The following HIVEP1 variants were observed in gnomAD, a reference collection of about 807,000 sequenced individuals.
The protein encoded by HIVEP1 is HIVEP zinc finger 1.
In HIVEP1, 36 loss-of-function variants were observed where a neutral mutation model predicts 180.0. That is an observed-to-expected ratio of 0.20 (90% CI 0.15 to 0.26). HIVEP1 has a LOEUF of 0.26. Ranked by LOEUF, HIVEP1 falls within the 10% of genes least tolerant of loss-of-function variation. HIVEP1 has a pLI of 1.00. For missense variants in HIVEP1, 3,143 were observed against 3,268.7 expected (o/e 0.96, Z 0.94); for synonymous variants, 1,239 against 1,239.0 (o/e 1.00, Z 0.00).
intron 2 of HIVEP1, among the ~76,000 whole-genome samples, chr6:12,018,973 T>C (rs975160399): frequency 5.3e-5 from 8 of 152,214 alleles, no homozygotes; most frequent in African/African-American, 1.9e-4. Flanking sequence ...CTTTAAGATA[T>C]TTTTAAAGTT....
At chr6:12,097,167 A>G (rs908423615) in intron 3 of HIVEP1, among the ~76,000 whole-genome samples, 1 of 152,062 alleles carries the variant, frequency 6.6e-6, no homozygotes, top group African/African-American at 2.4e-5. Flanking sequence ...AGGAAATAAT[A>G]TATTTTAGTG....
chr6:12,099,148 G>C (rs998059958), intron 3 of HIVEP1, among the ~76,000 whole-genome samples: 3 of 151,596 alleles, frequency 2.0e-5, no homozygotes, highest in African/African-American at 7.3e-5. Flanking sequence ...CCAGCCCACT[G>C]TGAAGGAGCA....
the HIVEP1 span, among the ~76,000 whole-genome samples, chr6:12,173,235 A>C: frequency 6.6e-6 from 1 of 152,198 alleles, no homozygotes; most frequent in African/African-American, 2.4e-5. Context: ...GAGTATTGAC[A>C]TTGTTGGAAT....
chr6:12,176,716 A>T, the HIVEP1 span, among the ~76,000 whole-genome samples: 2 of 152,270 alleles, frequency 1.3e-5, no homozygotes, highest in African/African-American at 4.8e-5. Context: ...TAAGTTCCTT[A>T]CAGATGCTGG....
chr6:12,167,641 A>ATGT (rs1448069424), downstream of HIVEP1, among the ~76,000 whole-genome samples: 11 of 55,188 alleles, frequency 2.0e-4, no homozygotes, highest in Admixed American at 5.3e-4. Context: ...TTATATATAC[A>ATGT]TATACATATA....
chr6:12,077,983 G>A (rs1027985852), intron 2 of HIVEP1, among the ~76,000 whole-genome samples: 1 of 152,158 alleles, frequency 6.6e-6, no homozygotes, highest in African/African-American at 2.4e-5. Context: ...CTTGCTTGCT[G>A]TTGTATTTCC....
chr6:12,167,652 T>TATAC (rs1760749797), downstream of HIVEP1, among the ~76,000 whole-genome samples: 12 of 19,198 alleles, frequency 6.3e-4, no homozygotes, highest in South Asian at 7.4e-3. Flanking sequence ...TATACATATA[T>TATAC]ATGTTATATA....
At chr6:12,053,806 C>T (rs551258426) in intron 2 of HIVEP1, among the ~76,000 whole-genome samples, 68 of 152,226 alleles carry the variant, frequency 4.5e-4, no homozygotes, top group Non-Finnish European at 8.8e-4. Context: ...ATAAATCTGC[C>T]AAGCTCTGTT....
At chr6:12,049,139 T>A (rs1770327492) in intron 2 of HIVEP1, among the ~76,000 whole-genome samples, 2 of 152,226 alleles carry the variant, frequency 1.3e-5, no homozygotes, top group Admixed American at 1.3e-4. Flanking sequence ...ACATTTATTA[T>A]GGGGTGTGGG....
chr6:12,117,623 C>T (rs1157055352), intron 3 of HIVEP1, among the ~76,000 whole-genome samples: 2 of 152,124 alleles, frequency 1.3e-5, no homozygotes, highest in African/African-American at 4.8e-5. Context: ...AATAACATAA[C>T]TTTATCTAAA....
At chr6:12,074,658 G>A (rs1343963810) in intron 2 of HIVEP1, among the ~76,000 whole-genome samples, 3 of 144,030 alleles carry the variant, frequency 2.1e-5, no homozygotes, top group Non-Finnish European at 4.8e-5. Flanking sequence ...GCGCGTGCAT[G>A]TCCTTGTCTC....
the HIVEP1 span, among the ~76,000 whole-genome samples, chr6:12,188,999 TAC>T: frequency 6.6e-6 from 1 of 151,974 alleles, no homozygotes; most frequent in African/African-American, 2.4e-5. Context: ...TGGGCACAAC[TAC>T]AGAGTATAAA....
chr6:12,142,915 C>T (rs1467547839), intron 7 of HIVEP1, among the ~76,000 whole-genome samples: 3 of 152,080 alleles, frequency 2.0e-5, no homozygotes, highest in African/African-American at 7.2e-5. Flanking sequence ...CAAAAAAAGT[C>T]CAGGACCAGA....
At chr6:12,162,816 C>A (rs930156508) in intron 8 of HIVEP1, among the ~76,000 whole-genome samples, 1 of 152,202 alleles carries the variant, frequency 6.6e-6, no homozygotes, top group Non-Finnish European at 1.5e-5. Flanking sequence ...AACATCTCTT[C>A]ACAAATAATT....
At chr6:12,199,284 T>C in the HIVEP1 span, among the ~76,000 whole-genome samples, 137,176 of 151,868 alleles carry the variant, frequency 0.9, 62,319 homozygotes, top group East Asian at 0.97. Flanking sequence ...TGCATACTTA[T>C]TCAGTCTCAG....
chr6:12,013,924 G>T (rs965296742), intron 1 of HIVEP1, among the ~76,000 whole-genome samples: 17 of 152,128 alleles, frequency 1.1e-4, no homozygotes, highest in African/African-American at 3.4e-4. Flanking sequence ...AGTTAATCGT[G>T]GCCTTCTTTA....
At chr6:12,157,925 T>C (rs1760157724) in intron 7 of HIVEP1, among the ~76,000 whole-genome samples, 1 of 152,238 alleles carries the variant, frequency 6.6e-6, no homozygotes, top group Non-Finnish European at 1.5e-5. Flanking sequence ...GTTTTCTTGA[T>C]ATTGTTACCA....
the HIVEP1 span, among the ~76,000 whole-genome samples, chr6:12,186,561 A>AAGGG: frequency 6.7e-6 from 1 of 149,590 alleles, no homozygotes; most frequent in African/African-American, 2.5e-5. Context: ...AAAAAAAAAA[A>AAGGG]GGCGTATACT....
intron 7 of HIVEP1, among the ~76,000 whole-genome samples, chr6:12,150,008 TG>T (rs1759607931): frequency 6.6e-6 from 1 of 152,230 alleles, no homozygotes; most frequent in South Asian, 2.1e-4. Flanking sequence ...TTGCGTTTAA[TG>T]AAGCAGGAGG....
Sources: allele counts gnomAD v4.1 joint callset (sites outside exome capture counted in the v4.1 genomes callset), GRCh38; gene constraint gnomAD v4.1.1; transcripts MANE v1.5; gene names NCBI Gene and HGNC (gene_info 2026-07-23, HGNC 2026-07-21).